SGCG: variants seen among roughly 807,000 people sequenced by gnomAD.
The protein encoded by SGCG is sarcoglycan gamma, also known as gamma-sarcoglycan.
Under a neutral mutation model 29.3 loss-of-function variants are expected in SGCG, and 26 were observed. That is an observed-to-expected ratio of 0.89 (90% CI 0.65 to 1.23). The LOEUF (loss-of-function observed/expected upper bound fraction) is 1.23. Ranked by LOEUF, SGCG falls within the 50% of genes most tolerant of loss-of-function variation. SGCG has a pLI of 0.00. For missense variants in SGCG, 353 were observed against 356.0 expected (o/e 0.99, Z 0.07); for synonymous variants, 145 against 129.7 (o/e 1.12, Z -0.80).
intron 6 of SGCG, among the ~76,000 whole-genome samples, chr13:23,310,932 C>G (rs1882574832): frequency 6.6e-6 from 1 of 152,156 alleles, no homozygotes; most frequent in Non-Finnish European, 1.5e-5. Context: ...ATTCATCTCC[C>G]TGCTTTATTT....
chr13:23,301,072 C>T (rs370878897), intron 6 of SGCG, among the ~76,000 whole-genome samples: 14 of 152,062 alleles, frequency 9.2e-5, no homozygotes, highest in Admixed American at 2.0e-4. Context: ...GCCGAGACCA[C>T]GCCACTGCAC....
chr13:23,165,994 T>A, the SGCG span, among the ~76,000 whole-genome samples: 1 of 152,182 alleles, frequency 6.6e-6, no homozygotes. Context: ...GTGAACACGG[T>A]TTTAGTTCTT....
At chr13:23,182,113 G>C (rs1876760470) in intron 1 of SGCG, among the ~76,000 whole-genome samples, 1 of 152,204 alleles carries the variant, frequency 6.6e-6, no homozygotes, top group Non-Finnish European at 1.5e-5. Flanking sequence ...TATCAGCTAA[G>C]CTTGCAGTTA....
chr13:23,160,590 G>C, the SGCG span, among the ~76,000 whole-genome samples: 1 of 152,156 alleles, frequency 6.6e-6, no homozygotes, highest in East Asian at 1.9e-4. Context: ...CATCCCGTCG[G>C]GAATGAAGGG....
chr13:23,198,575 G>A (rs535574294), intron 1 of SGCG, among the ~76,000 whole-genome samples: 11 of 152,146 alleles, frequency 7.2e-5, no homozygotes, highest in Admixed American at 2.0e-4. Flanking sequence ...GGCCGGGCGC[G>A]GTGGCTCATA....
intron 5 of SGCG, among the ~76,000 whole-genome samples, chr13:23,292,238 T>C (rs1593092964): frequency 6.6e-6 from 1 of 152,262 alleles, no homozygotes; most frequent in East Asian, 1.9e-4. Context: ...GCCTCCAGAA[T>C]AGCTGGGATT....
intron 6 of SGCG, among the ~76,000 whole-genome samples, chr13:23,300,590 T>C (rs1360099845): frequency 6.6e-6 from 1 of 152,030 alleles, no homozygotes; most frequent in East Asian, 1.9e-4. Context: ...CAAGAAATCA[T>C]GACCTGCAAG....
chr13:23,256,743 G>GT (rs1880195882), intron 4 of SGCG, among the ~76,000 whole-genome samples: 1 of 152,182 alleles, frequency 6.6e-6, no homozygotes, highest in Non-Finnish European at 1.5e-5. Flanking sequence ...ATTCCATGGT[G>GT]TATATGTGCC....
the SGCG span, among the ~76,000 whole-genome samples, chr13:23,163,871 T>C: frequency 6.6e-6 from 1 of 152,346 alleles, no homozygotes; most frequent in Admixed American, 6.5e-5. Flanking sequence ...GTAATAAAGT[T>C]ATACTTTTAT....
intron 2 of SGCG, among the ~76,000 whole-genome samples, chr13:23,218,478 A>G (rs1335149702): frequency 1.3e-5 from 2 of 152,204 alleles, no homozygotes; most frequent in Non-Finnish European, 2.9e-5. Flanking sequence ...CTTCACTAAC[A>G]TAAATGTAAA....
chr13:23,190,313 T>C (rs1171571597), intron 1 of SGCG, among the ~76,000 whole-genome samples: 3 of 152,152 alleles, frequency 2.0e-5, no homozygotes, highest in Non-Finnish European at 2.9e-5. Context: ...TCCAGAACTT[T>C]GTCAAGATGG....
Position 23,320,851 on chromosome 13 carries a change from G to A in SGCG, c.702+91G>A, listed in dbSNP as rs1392976680. On this transcript the variant is annotated intron_variant, in intron 7 of 7. Coordinates refer to ENST00000218867, the MANE Select transcript of SGCG (RefSeq NM_000231.3). ...TAAAGCTATCAGTATTAAATTTCTA[G>A]TAGTTTGTAGGAAAACATTGTGAAG... The A allele has an allele frequency of 5.2e-6, 7 of 1,337,882 alleles. No homozygotes were observed. In the East Asian group the frequency reaches 1.6e-4, roughly 31 times the overall value. The allele number at this position is 1,337,882 out of a possible 1,614,324, so 82.9% of individuals were successfully genotyped here. A position where few individuals can be genotyped will look rare whatever the true frequency, so the allele number is the denominator to read the frequency against.
At chr13:23,308,754 C>T (rs9580598) in intron 6 of SGCG, among the ~76,000 whole-genome samples, 4,968 of 151,998 alleles carry the variant, frequency 0.033, 252 homozygotes, top group African/African-American at 0.11. Flanking sequence ...TGTAGAGACG[C>T]GGTTTCATCA....
At position 23,220,317 on chromosome 13, in the gene SGCG, G is replaced by T. The variant is rs553898888; in HGVS notation, c.196-14294G>T. On this transcript the variant is annotated intron_variant, in intron 2 of 7. Transcript: ENST00000218867. ...AAATACAGAATTAGCCGGGCGTGTG[G>T]TGCATGCCTGTAATCCCAGCTACTT... Among the ~76,000 whole-genome samples, 202 of 152,252 alleles carry T rather than the reference G, an allele frequency of 1.3e-3. 1 individual carries two copies. The highest frequency in any genetic ancestry group is 4.5e-3 in the African/African-American group (187 of 41,564).
Position 23,259,832 on chromosome 13 carries a change from G to A in SGCG, c.385+9115G>A, listed in dbSNP as rs189844409. 6.4e-4 allele frequency among the ~76,000 whole-genome samples: 98 copies of A among 152,324 alleles called. 1 individual carries two copies. Among genetic ancestry groups the A allele is most frequent in the African/African-American group, 2.1e-3 (86 of 41,572 alleles). On this transcript the variant is annotated intron_variant, in intron 4 of 7. Coordinates refer to ENST00000218867, the MANE Select transcript of SGCG (RefSeq NM_000231.3). ...TAGTCATTCAGGAGCAGGTTGTTCA[G>A]TTTCCATGTAGTTGAGCAGTTTTGA...
chr13:23,253,372 C>A (rs1880052484), intron 4 of SGCG, among the ~76,000 whole-genome samples: 1 of 152,176 alleles, frequency 6.6e-6, no homozygotes, highest in South Asian at 2.1e-4. Context: ...TCTAGTAAAT[C>A]TTTAGTTGGA....
At position 23,320,718 on chromosome 13, in the gene SGCG, G is replaced by T. The variant is rs550268354; in HGVS notation, c.660G>T (p.Ala220=). 6.2e-7 allele frequency: 1 copy of T among 1,613,300 alleles called. No homozygotes were observed. Among genetic ancestry groups the T allele is most frequent in the Admixed American group, 1.7e-5 (1 of 59,948 alleles). ...AAGCTCACGCTGGGAAAATTGAGGC[G>T]CTTTCTCAAATGGATATTCTTTTTC... ...HIQAHAGKIE[A]LSQMDILFHS... is the part of the protein sequence containing the mutation. Residue 220 remains alanine (A), a synonymous_variant, in exon 7 of 8, where the codon GCG becomes GCT. Coordinates refer to ENST00000218867, the MANE Select transcript of SGCG (RefSeq NM_000231.3).
intron 4 of SGCG, among the ~76,000 whole-genome samples, chr13:23,255,008 C>A (rs777330900): frequency 2.0e-5 from 3 of 152,144 alleles, no homozygotes; most frequent in Non-Finnish European, 4.4e-5. Flanking sequence ...GGACACAGGC[C>A]CCACAAAGAT....
Position 23,313,037 on chromosome 13 carries a change from G to A in SGCG, c.579-7600G>A, listed in dbSNP as rs116031593. 6.5e-3 allele frequency among the ~76,000 whole-genome samples: 983 copies of A among 152,024 alleles called. 12 individuals are homozygous for A. The highest frequency in any genetic ancestry group is 0.023 in the African/African-American group (935 of 41,464). On this transcript the variant is annotated intron_variant, in intron 6 of 7. Transcript: ENST00000218867. Reference sequence around the variant, plus strand: ...ACTGTTTCCTGAAAATAAAAGATTAGGTTTTCTTATCATACTTATATTCAT... The same window carrying A: ...ACTGTTTCCTGAAAATAAAAGATTAAGTTTTCTTATCATACTTATATTCAT...
Sources: gnomAD v4.1 joint callset for allele counts (sites outside exome capture counted in the v4.1 genomes callset) on GRCh38, gnomAD v4.1.1 for gene constraint, MANE v1.5 for transcripts, NCBI Gene and HGNC (gene_info 2026-07-23, HGNC 2026-07-21) for gene names.